Variants in SPAG16 observed in about 807,000 individuals in gnomAD.
The protein encoded by SPAG16 is sperm associated antigen 16.
In SPAG16, 86 loss-of-function variants were observed where a neutral mutation model predicts 80.4. That is an observed-to-expected ratio of 1.07 (90% CI 0.90 to 1.28). SPAG16 has a LOEUF of 1.28. SPAG16 is among the 50% of genes most tolerant of loss of function. The pLI is 0.00. For missense variants in SPAG16, 870 were observed against 765.3 expected, an observed-to-expected ratio of 1.14 and a Z score of -1.61; for synonymous variants, 294 against 265.9, an observed-to-expected ratio of 1.11 and a Z score of -1.03.
chr2:213,530,049 T>G (rs2076017617), intron 10 of SPAG16, among the ~76,000 whole-genome samples: 1 of 152,222 alleles, frequency 6.6e-6, no homozygotes, highest in Non-Finnish European at 1.5e-5. Context: ...ATAACAAGGA[T>G]GGAGCTGTCA....
At chr2:213,974,650 A>G (rs1014701994) in intron 12 of SPAG16, among the ~76,000 whole-genome samples, 1 of 152,140 alleles carries the variant, frequency 6.6e-6, no homozygotes, top group African/African-American at 2.4e-5. Flanking sequence ...ATGTTAATTT[A>G]TATATGCTTT....
intron 9 of SPAG16, among the ~76,000 whole-genome samples, chr2:213,437,345 C>T (rs998127423): frequency 1.3e-5 from 2 of 152,156 alleles, no homozygotes; most frequent in African/African-American, 4.8e-5. Flanking sequence ...ATAAAATCAG[C>T]ATTATAATAT....
At chr2:213,726,735 A>G (rs952428227) in intron 10 of SPAG16, among the ~76,000 whole-genome samples, 1 of 152,202 alleles carries the variant, frequency 6.6e-6, no homozygotes, top group African/African-American at 2.4e-5. Context: ...ATGTGATCAC[A>G]CTCATATGGA....
At chr2:213,695,611 G>T (rs2065124633) in intron 10 of SPAG16, among the ~76,000 whole-genome samples, 2 of 152,214 alleles carry the variant, frequency 1.3e-5, no homozygotes, top group African/African-American at 4.8e-5. Context: ...AGATATATCA[G>T]ATAGTGAGTA....
rs539360926 is a variant in SPAG16 at position 213,752,044 on chromosome 2, C to A, written c.1071-110441C>A. 9.2e-4 allele frequency among the ~76,000 whole-genome samples: 140 copies of A among 152,298 alleles called. 1 individual carries two copies. The highest frequency in any genetic ancestry group is 3.3e-3 in the African/African-American group (136 of 41,574). ...GTAGCAATTTATTGGCCCCACTACT[C>A]CCACTCCAAATTGCCGTAGCTAGAA... On this transcript the variant is annotated intron_variant, in intron 10 of 15. Transcript: ENST00000331683.
intron 10 of SPAG16, among the ~76,000 whole-genome samples, chr2:213,531,555 T>C (rs1028568031): frequency 6.6e-6 from 1 of 152,036 alleles, no homozygotes; most frequent in African/African-American, 2.4e-5. Flanking sequence ...CCTGCCCCCA[T>C]CCCCAGTTTT....
intron 10 of SPAG16, among the ~76,000 whole-genome samples, chr2:213,496,717 A>G (rs922173984): frequency 9.3e-5 from 14 of 150,738 alleles, no homozygotes; most frequent in African/African-American, 3.4e-4. Context: ...ATACATATCC[A>G]TATATATAAT....
intron 10 of SPAG16, among the ~76,000 whole-genome samples, chr2:213,494,813 G>C (rs1002054635): frequency 2.6e-5 from 4 of 152,046 alleles, no homozygotes; most frequent in Non-Finnish European, 5.9e-5. Context: ...ACTCTCCCTT[G>C]CCCTATCTCC....
Position 213,690,974 on chromosome 2 carries a change from G to GAT in SPAG16, c.1071-171501_1071-171500dup, listed in dbSNP as rs748131581. ...ATACAGATATAGATATAGATATATAGATATATATATAGATCCTATTGGTTC... is the reference window on the plus strand; with the variant it reads ...ATACAGATATAGATATAGATATATAGATATATATATATAGATCCTATTGGTTC... On this transcript the variant is annotated intron_variant, in intron 10 of 15. Coordinates refer to ENST00000331683, the MANE Select transcript of SPAG16 (RefSeq NM_024532.5). Among the ~76,000 whole-genome samples, 243 of 151,994 alleles carry GAT rather than the reference G, an allele frequency of 1.6e-3. 2 individuals carry two copies. The highest frequency in any genetic ancestry group is 5.3e-3 in the African/African-American group (218 of 41,448).
chr2:213,377,901 ATAT>A (rs1449536900), intron 9 of SPAG16, among the ~76,000 whole-genome samples: 273 of 24,832 alleles, frequency 0.011, no homozygotes, highest in South Asian at 0.048. Flanking sequence ...ATATATATAT[ATAT>A]TTTTTTTTTT....
At chr2:213,949,177 T>G (rs945779846) in intron 12 of SPAG16, among the ~76,000 whole-genome samples, 1 of 18,080 alleles carries the variant, frequency 5.5e-5, no homozygotes. Flanking sequence ...CAGTTTTTTT[T>G]TTTTTTTTTT....
intron 9 of SPAG16, among the ~76,000 whole-genome samples, chr2:213,470,035 G>C (rs933053664): frequency 2.0e-5 from 3 of 152,164 alleles, no homozygotes; most frequent in African/African-American, 7.2e-5. Flanking sequence ...GTGATGGTGA[G>C]TGGTGCCACT....
chr2:213,961,604 G>T (rs58670800), intron 12 of SPAG16, among the ~76,000 whole-genome samples: 1,549 of 139,728 alleles, frequency 0.011, 34 homozygotes, highest in African/African-American at 0.039. Flanking sequence ...TTTTTTTGCT[G>T]GATTTTGATA....
chr2:213,944,477 A>G (rs777617496), intron 12 of SPAG16, among the ~76,000 whole-genome samples: 21 of 152,176 alleles, frequency 1.4e-4, no homozygotes, highest in Non-Finnish European at 2.8e-4. Flanking sequence ...GGAAGTACAT[A>G]ACTTAACGGG....
At chr2:214,355,928 AAAC>A (rs1486690151) in intron 15 of SPAG16, among the ~76,000 whole-genome samples, 27 of 149,606 alleles carry the variant, frequency 1.8e-4, no homozygotes, top group Admixed American at 7.4e-4. Flanking sequence ...CAAGGACAAA[AAAC>A]CAAACACCGC....
intron 10 of SPAG16, among the ~76,000 whole-genome samples, chr2:213,825,410 T>A (rs1237295666): frequency 1.3e-5 from 2 of 152,104 alleles, no homozygotes; most frequent in Non-Finnish European, 2.9e-5. Flanking sequence ...CTATTCCCAG[T>A]TTTTTTAAGA....
chr2:214,163,694 A>G (rs910915060), intron 15 of SPAG16, among the ~76,000 whole-genome samples: 22 of 151,768 alleles, frequency 1.4e-4, no homozygotes, highest in Non-Finnish European at 5.9e-5. Flanking sequence ...GAATTAGCTT[A>G]TGTGATTGCG....
At chr2:213,326,722 T>G (rs1289625667) in intron 5 of SPAG16, among the ~76,000 whole-genome samples, 2 of 152,024 alleles carry the variant, frequency 1.3e-5, no homozygotes, top group African/African-American at 2.4e-5. Context: ...AAAGATAGCC[T>G]ACTTCGATGC....
Position 213,284,464 on chromosome 2 carries a change from G to T in SPAG16, c.-20G>T, listed in dbSNP as rs564934930. 47 of 1,554,282 alleles carry T rather than the reference G, an allele frequency of 3.0e-5. No individual in the cohort carries two copies. The highest frequency in any genetic ancestry group is 3.8e-5 in the Non-Finnish European group (44 of 1,150,278). ...GGACGGCTGTGGGCCTGCTGGGGGT[G>T]GGGGCCCGAAGCGCCAGAGATGGCT... On this transcript the variant is annotated 5_prime_UTR_variant, in exon 1 of 16. Coordinates refer to ENST00000331683, the MANE Select transcript of SPAG16 (RefSeq NM_024532.5).
Sources: allele counts gnomAD v4.1 joint callset (sites outside exome capture counted in the v4.1 genomes callset), GRCh38; gene constraint gnomAD v4.1.1; transcripts MANE v1.5; gene names NCBI Gene and HGNC (gene_info 2026-07-23, HGNC 2026-07-21).